The following IL5RA variants were observed in gnomAD, a reference collection of about 807,000 sequenced individuals.
IL5RA encodes interleukin-5 receptor subunit alpha.
In IL5RA, 49 loss-of-function variants were observed where a neutral mutation model predicts 50.0. The observed-to-expected ratio is 0.98, with a 90% CI of 0.78 to 1.24. The LOEUF (loss-of-function observed/expected upper bound fraction) is 1.24. Ranked by LOEUF, IL5RA falls within the 50% of genes most tolerant of loss-of-function variation. The probability of loss-of-function intolerance (pLI) is 0.00; values close to 1 mark genes in which losing one functional copy is unlikely to be tolerated. For missense variants in IL5RA, 600 were observed against 500.4 expected (o/e 1.20, Z -1.90); for synonymous variants, 202 against 174.0 (o/e 1.16, Z -1.26).
rs1045533771 is a variant in IL5RA at position 3,090,155 on chromosome 3, A to G, written c.994+2069T>C. 29 of 1,567,912 alleles carry G rather than the reference A, an allele frequency of 1.8e-5. No homozygotes were observed. In the African/African-American group the frequency reaches 3.3e-4, roughly 18 times the overall value. On this transcript the variant is annotated intron_variant, in intron 9 of 11. Coordinates refer to ENST00000446632, the MANE Select transcript of IL5RA (RefSeq NM_175726.4). The stretch of plus-strand genomic sequence containing the variant: ...GCATAGTGCTTGGCAAAATAAATAA[A>G]AATTAAAAAACACATGTAATCTGCT...
intron 9 of IL5RA, chr3:3,090,361 A>C: frequency 1.3e-6 from 1 of 796,534 alleles, no homozygotes; most frequent in Non-Finnish European, 2.1e-6. Context: ...TCTTCTTCCC[A>C]CCATCCCATG....
At chr3:3,085,707 G>GC (rs1323031760) in intron 9 of IL5RA, among the ~76,000 whole-genome samples, 1 of 152,066 alleles carries the variant, frequency 6.6e-6, no homozygotes, top group Non-Finnish European at 1.5e-5. Context: ...CTCTGGGGTG[G>GC]CCTTCCTTCC....
At chr3:3,084,160 G>A (rs773196978) in intron 9 of IL5RA, among the ~76,000 whole-genome samples, 1 of 152,110 alleles carries the variant, frequency 6.6e-6, no homozygotes, top group Admixed American at 6.5e-5. Context: ...TATAAAACAG[G>A]GATAAGGATC....
intron 2 of IL5RA, 127 bp downstream of exon 2, chr3:3,108,423 T>G (rs1217422482): frequency 6.6e-6 from 1 of 152,226 alleles, no homozygotes; most frequent in Non-Finnish European, 1.5e-5. Flanking sequence ...GTGGAAATGG[T>G]GTTGCCACCT....
chr3:3,085,231 G>C (rs1479718085), intron 9 of IL5RA, among the ~76,000 whole-genome samples: 1 of 152,220 alleles, frequency 6.6e-6, no homozygotes, highest in Non-Finnish European at 1.5e-5. Flanking sequence ...AAGCCTAAGT[G>C]GGTCTTTCAT....
intron 7 of IL5RA, among the ~76,000 whole-genome samples, chr3:3,096,626 G>T (rs1703379838): frequency 6.6e-6 from 1 of 152,086 alleles, no homozygotes; most frequent in East Asian, 1.9e-4. Flanking sequence ...GTCTGTACTA[G>T]ATCATATCCA....
Position 3,091,982 on chromosome 3 carries a change from GA to G in IL5RA, c.994+241del, listed in dbSNP as rs1016843059. The G allele has an allele frequency of 1.3e-5, 16 of 1,213,102 alleles. No individual in the cohort carries two copies. In the East Asian group the frequency reaches 3.7e-4, roughly 28 times the overall value. 75.1% of individuals were successfully genotyped at this position (1,213,102 alleles called of 1,614,324 possible). On this transcript the variant is annotated intron_variant, in intron 9 of 11. Coordinates refer to ENST00000446632, the MANE Select transcript of IL5RA (RefSeq NM_175726.4). The stretch of plus-strand genomic sequence containing the variant: ...TGGATAGAAGTAGAAACAAAACTTG[GA>G]AAAAAAACAGGCACCAGGTCTAGGA...
intron 9 of IL5RA, among the ~76,000 whole-genome samples, chr3:3,091,438 A>G (rs988713331): frequency 6.6e-6 from 1 of 152,240 alleles, no homozygotes; most frequent in Non-Finnish European, 1.5e-5. Flanking sequence ...ACACATACAA[A>G]TGAGGACATA....
chr3:3,093,895 T>C (rs1345957843), intron 8 of IL5RA, among the ~76,000 whole-genome samples: 1 of 152,244 alleles, frequency 6.6e-6, no homozygotes, highest in East Asian at 1.9e-4. Context: ...GAATCCTATT[T>C]TTTTTCCTAG....
rs576461147 is a variant in IL5RA, at chr3:3,083,386, T to TAACCG, written c.995-6764_995-6760dup. The stretch of plus-strand genomic sequence containing the variant: ...TCATCTGGTGGAACTGGGCTTGCAT[T>TAACCG]AACCGAATAGAGAGAGGAAATGGAG... On this transcript the variant is annotated intron_variant, in intron 9 of 11. Coordinates refer to ENST00000446632, the MANE Select transcript of IL5RA (RefSeq NM_175726.4). 2.4e-4 allele frequency among the ~76,000 whole-genome samples: 37 copies of TAACCG among 152,314 alleles called. 3 individuals are homozygous for TAACCG. The highest frequency in any genetic ancestry group is 2.3e-3 in the South Asian group (11 of 4,824).
chr3:3,075,503 G>A (rs1021546502), intron 10 of IL5RA, among the ~76,000 whole-genome samples: 4 of 151,552 alleles, frequency 2.6e-5, no homozygotes, highest in South Asian at 4.2e-4. Flanking sequence ...ATCCCCAGCC[G>A]AGTTTACTTT....
At chr3:3,090,091 C>T (rs1405681042) in intron 9 of IL5RA, 2 of 1,020,584 alleles carry the variant, frequency 2.0e-6, no homozygotes, top group Non-Finnish European at 2.9e-6. Flanking sequence ...CCTAAACTTT[C>T]CAAACAAGTT....
intron 11 of IL5RA, chr3:3,073,898 A>G: frequency 2.5e-6 from 1 of 406,006 alleles, no homozygotes. Flanking sequence ...GTGGTTTACG[A>G]TAAAGCTACA....
chr3:3,072,671 G>A (rs1369567390), intron 11 of IL5RA, among the ~76,000 whole-genome samples: 1 of 152,206 alleles, frequency 6.6e-6, no homozygotes. Context: ...TGTAATCCCA[G>A]CACTTTGGGA....
chr3:3,098,521 C>T lies in IL5RA; in HGVS notation c.368-231G>A, dbSNP rs1201255257. 2.0e-5 allele frequency among the ~76,000 whole-genome samples: 3 copies of T among 152,066 alleles called. No homozygotes were observed. The East Asian group carries it at 5.8e-4, about 29-fold the overall frequency. Reference sequence around the variant, plus strand: ...CTCCTGGCTTGGAGCGATTCTCGTGCCTCAGCCTCCCAAGTAGCTGAGATG... The same window carrying T: ...CTCCTGGCTTGGAGCGATTCTCGTGTCTCAGCCTCCCAAGTAGCTGAGATG... On this transcript the variant is annotated intron_variant, in intron 5 of 11. Coordinates refer to ENST00000446632, the MANE Select transcript of IL5RA (RefSeq NM_175726.4).
At position 3,076,068 on chromosome 3, in the gene IL5RA, G is replaced by A. The variant is rs977031885; in HGVS notation, c.1091+463C>T. 1.1e-4 allele frequency among the ~76,000 whole-genome samples: 17 copies of A among 152,264 alleles called. No homozygotes were observed. The East Asian group carries it at 1.2e-3, about 10-fold the overall frequency. The stretch of plus-strand genomic sequence containing the variant: ...GATCCACATGCGATTTCTAGAATCC[G>A]TGTTTGACCTAATAACCATCAGCCA... On this transcript the variant is annotated intron_variant, in intron 10 of 11. Coordinates refer to ENST00000446632, the MANE Select transcript of IL5RA (RefSeq NM_175726.4).
chr3:3,070,379 A>C, intron 11 of IL5RA, 68 bp from the exon 12 acceptor site: 1 of 920,366 alleles, frequency 1.1e-6, no homozygotes, highest in Non-Finnish European at 1.7e-6. Context: ...AATCTTTACA[A>C]TTGGCTTTAA....
chr3:3,096,720 C>T (rs747283605), intron 7 of IL5RA, among the ~76,000 whole-genome samples: 39 of 152,076 alleles, frequency 2.6e-4, no homozygotes, highest in Non-Finnish European at 5.1e-4. Flanking sequence ...TTTTAGTTCA[C>T]CTAAGAAATA....
At position 3,095,451 on chromosome 3, in the gene IL5RA, T is replaced by C. The variant is rs999681784; in HGVS notation, c.710-7A>G. ...AGTGGAGGATTTATTTGATCTAAGT[T>C]AGGGAACGAAAGATCAGTGATTTTT... On this transcript the variant is annotated splice_region_variant and splice_polypyrimidine_tract_variant and intron_variant, in intron 7 of 11. Transcript: ENST00000446632. 1 of 1,593,648 alleles carries C rather than the reference T, an allele frequency of 6.3e-7. No homozygotes were observed. The highest frequency in any genetic ancestry group is 8.5e-7 in the Non-Finnish European group (1 of 1,174,656).
Sources: gnomAD v4.1 joint callset for allele counts (sites outside exome capture counted in the v4.1 genomes callset) on GRCh38, gnomAD v4.1.1 for gene constraint, MANE v1.5 for transcripts, NCBI Gene and HGNC (gene_info 2026-07-23, HGNC 2026-07-21) for gene names.